RBFOX1: variants seen among roughly 807,000 people sequenced by gnomAD.
The protein encoded by RBFOX1 is RNA binding protein fox-1 homolog 1.
RBFOX1 carries 8 observed loss-of-function variants against 57.7 expected under a neutral mutation model. The observed-to-expected ratio is 0.14, with a 90% CI of 0.08 to 0.25. RBFOX1 has a LOEUF of 0.25. Ranked by LOEUF, RBFOX1 falls within the 10% of genes least tolerant of loss-of-function variation. The pLI is 1.00. For synonymous variants in RBFOX1, 326 were observed against 222.4 expected (o/e 1.47, Z -4.15); for missense variants, 611 against 548.5 (o/e 1.11, Z -1.14).
intron 4 of RBFOX1, among the ~76,000 whole-genome samples, chr16:7,383,028 G>A (rs1490239442): frequency 1.3e-5 from 2 of 152,052 alleles, no homozygotes; most frequent in Admixed American, 6.6e-5. Context: ...GCCAGAAAAT[G>A]CCTAAAGAGT....
At position 6,481,648 on chromosome 16, in the gene RBFOX1, T is replaced by G. The variant is rs77319069; in HGVS notation, c.-64+164591T>G. ...CGAAAGTCTAAACCCCTTTTTGCCATTTTACCTGGTGCTGTTGGAAAATGT... is the reference window on the plus strand; with the variant it reads ...CGAAAGTCTAAACCCCTTTTTGCCAGTTTACCTGGTGCTGTTGGAAAATGT... On this transcript the variant is annotated intron_variant, in intron 2 of 15. Transcript: ENST00000550418. Among the ~76,000 whole-genome samples, 849 of 152,296 alleles carry G rather than the reference T, an allele frequency of 5.6e-3. 35 individuals are homozygous for G. The East Asian group carries it at 0.12, about 21-fold the overall frequency.
chr16:6,224,954 G>A (rs1166522657), intron 1 of RBFOX1, among the ~76,000 whole-genome samples: 1 of 150,058 alleles, frequency 6.7e-6, no homozygotes, highest in African/African-American at 2.5e-5. Context: ...GGGAGGTGGA[G>A]GTTGTGGTGA....
chr16:5,943,339 G>A (rs530921663), intron 4 of RBFOX1, among the ~76,000 whole-genome samples: 1 of 152,210 alleles, frequency 6.6e-6, no homozygotes, highest in South Asian at 2.1e-4. Flanking sequence ...ATTAGAATTT[G>A]AGAATCATGG....
intron 4 of RBFOX1, among the ~76,000 whole-genome samples, chr16:7,305,899 A>G (rs752081760): frequency 7.9e-5 from 12 of 152,110 alleles, no homozygotes; most frequent in Non-Finnish European, 1.6e-4. Flanking sequence ...ATCTTCCACA[A>G]TTTCTGTGCC....
intron 4 of RBFOX1, among the ~76,000 whole-genome samples, chr16:7,179,688 A>T (rs1326850135): frequency 1.3e-5 from 2 of 151,982 alleles, no homozygotes; most frequent in Non-Finnish European, 2.9e-5. Flanking sequence ...ATTGTCCTTC[A>T]TTTGTATATA....
intron 2 of RBFOX1, among the ~76,000 whole-genome samples, chr16:6,410,692 C>A (rs966123715): frequency 6.6e-6 from 1 of 152,144 alleles, no homozygotes; most frequent in Non-Finnish European, 1.5e-5. Flanking sequence ...CTGGTGGGTG[C>A]ACGTTGAATC....
intron 1 of RBFOX1, among the ~76,000 whole-genome samples, chr16:5,313,445 C>G (rs1007641622): frequency 6.6e-6 from 1 of 152,162 alleles, no homozygotes; most frequent in Non-Finnish European, 1.5e-5. Context: ...TCCTGTAGAA[C>G]AAACAGGATC....
At chr16:6,125,580 A>T (rs989457363) in intron 1 of RBFOX1, among the ~76,000 whole-genome samples, 3 of 152,204 alleles carry the variant, frequency 2.0e-5, no homozygotes, top group African/African-American at 7.2e-5. Context: ...TTGGTCAAGG[A>T]TTAAATTCAT....
chr16:7,205,877 C>G (rs762657871), intron 4 of RBFOX1, among the ~76,000 whole-genome samples: 1 of 152,208 alleles, frequency 6.6e-6, no homozygotes, highest in African/African-American at 2.4e-5. Flanking sequence ...CTTAACGCAT[C>G]CAAAGCAAGG....
At chr16:6,860,340 G>A (rs189840579) in intron 3 of RBFOX1, among the ~76,000 whole-genome samples, 75 of 152,148 alleles carry the variant, frequency 4.9e-4, no homozygotes, top group African/African-American at 1.7e-3. Context: ...TTGGCTGGGG[G>A]TGGTAATATT....
At chr16:7,046,186 G>T (rs1423035903) in intron 3 of RBFOX1, among the ~76,000 whole-genome samples, 1 of 151,960 alleles carries the variant, frequency 6.6e-6, no homozygotes, top group African/African-American at 2.4e-5. Flanking sequence ...ATGTAGACAG[G>T]TGTTCCATTT....
chr16:6,435,665 A>G (rs1252293143), intron 2 of RBFOX1, among the ~76,000 whole-genome samples: 1 of 152,090 alleles, frequency 6.6e-6, no homozygotes, highest in Non-Finnish European at 1.5e-5. Context: ...GCATTTACCC[A>G]TTTCCAAGTG....
At chr16:6,564,098 T>C (rs1052432404) in intron 2 of RBFOX1, among the ~76,000 whole-genome samples, 5 of 152,104 alleles carry the variant, frequency 3.3e-5, no homozygotes, top group Non-Finnish European at 7.4e-5. Flanking sequence ...CTGGATGTTC[T>C]TGTAGCCTAC....
chr16:6,218,394 T>G (rs915080860), intron 1 of RBFOX1, among the ~76,000 whole-genome samples: 1 of 152,120 alleles, frequency 6.6e-6, no homozygotes, highest in African/African-American at 2.4e-5. Context: ...CTGCGACACC[T>G]GCCTCCAGGG....
chr16:6,756,346 C>A (rs994673299), intron 3 of RBFOX1, among the ~76,000 whole-genome samples: 1 of 152,030 alleles, frequency 6.6e-6, no homozygotes, highest in Non-Finnish European at 1.5e-5. Context: ...AGATTGAAAC[C>A]CAATACTATA....
In RBFOX1 at chr16:5,555,926, C is replaced by T. The variant is rs890489754; in HGVS notation, c.259-42976C>T. On this transcript the variant is annotated intron_variant, in intron 2 of 2. Transcript: ENST00000585867. Reference sequence around the variant, plus strand: ...ATCCCAGTTACTTGGGAGGCTGAGACGGGAGAATCGCTTGAACCCTGGAGG... The same window carrying T: ...ATCCCAGTTACTTGGGAGGCTGAGATGGGAGAATCGCTTGAACCCTGGAGG... Among the ~76,000 whole-genome samples the T allele has an allele frequency of 7.9e-5, 12 of 152,116 alleles. No individual in the cohort carries two copies. The East Asian group carries it at 1.4e-3, about 17-fold the overall frequency.
At chr16:6,813,812 G>A (rs1364995709) in intron 3 of RBFOX1, among the ~76,000 whole-genome samples, 1 of 152,222 alleles carries the variant, frequency 6.6e-6, no homozygotes, top group Non-Finnish European at 1.5e-5. Flanking sequence ...AAGAATGAGT[G>A]AAGGGAGGAG....
rs538171105 is a variant in RBFOX1 at position 7,662,964 on chromosome 16, C to A, written c.891-1965C>A. Among the ~76,000 whole-genome samples, 337 of 152,334 alleles carry A rather than the reference C, an allele frequency of 2.2e-3. 1 individual carries two copies. Among genetic ancestry groups the A allele is most frequent in the Non-Finnish European group, 3.9e-3 (267 of 68,034 alleles). On this transcript the variant is annotated intron_variant, in intron 12 of 15. Transcript: ENST00000550418. The stretch of plus-strand genomic sequence containing the variant: ...CATGTGCTTCCCATCTAACTTGGCT[C>A]TTGAATGGTCATGTCACTGCTTTTG...
chr16:6,018,914 C>A (rs922723456), upstream of RBFOX1, among the ~76,000 whole-genome samples: 2 of 151,892 alleles, frequency 1.3e-5, no homozygotes. Flanking sequence ...ACCAGGGTAC[C>A]GGGTCGCGTG....
Sources: gnomAD v4.1 joint callset for allele counts (sites outside exome capture counted in the v4.1 genomes callset) on GRCh38, gnomAD v4.1.1 for gene constraint, MANE v1.5 for transcripts, NCBI Gene and HGNC (gene_info 2026-07-23, HGNC 2026-07-21) for gene names.